Variants in RARB observed in about 807,000 individuals in gnomAD.
RARB encodes the protein retinoic acid receptor beta.
Under a neutral mutation model 51.9 loss-of-function variants are expected in RARB, and 17 were observed. The observed-to-expected ratio is 0.33, with a 90% CI of 0.22 to 0.49. The LOEUF is 0.49. Ranked by LOEUF, RARB falls within the 20% of genes least tolerant of loss-of-function variation. The pLI, the probability that RARB is intolerant of heterozygous loss-of-function variation, is 0.99. For synonymous variants in RARB, 215 were observed against 195.4 expected (o/e 1.10, Z -0.84); for missense variants, 369 against 550.8 (o/e 0.67, Z 3.30).
At chr3:25,452,029 G>A (rs190971999) in intron 1 of RARB, among the ~76,000 whole-genome samples, 115 of 152,124 alleles carry the variant, frequency 7.6e-4, no homozygotes, top group South Asian at 2.5e-3. Context: ...AATTAGCTTC[G>A]TCTACACATG....
intron 3 of RARB, among the ~76,000 whole-genome samples, chr3:25,547,672 T>C (rs1222063364): frequency 6.6e-6 from 1 of 152,144 alleles, no homozygotes; most frequent in East Asian, 1.9e-4. Flanking sequence ...AACCCCCAAG[T>C]TGGCAGTGTC....
intron 3 of RARB, among the ~76,000 whole-genome samples, chr3:25,061,002 C>T (rs1419729549): frequency 3.3e-5 from 5 of 151,860 alleles, no homozygotes; most frequent in Non-Finnish European, 7.4e-5. Context: ...CAAAGACTTA[C>T]ATCATATGGA....
intron 2 of RARB, among the ~76,000 whole-genome samples, chr3:24,967,415 C>A (rs1696299839): frequency 6.6e-6 from 1 of 152,090 alleles, no homozygotes; most frequent in Non-Finnish European, 1.5e-5. Flanking sequence ...TTCTAAGTAG[C>A]CGTTTTGTAA....
chr3:25,569,935 C>G lies in RARB; in HGVS notation c.609+17C>G. Reference sequence around the variant, plus strand: ...TACACCACGGTAAGAGATACTCCTGCCCCAGGCTGCTGGGAGTGTGGAAAC... The same window carrying G: ...TACACCACGGTAAGAGATACTCCTGGCCCAGGCTGCTGGGAGTGTGGAAAC... On this transcript the variant is annotated intron_variant, in intron 4 of 7. Coordinates refer to ENST00000330688, the MANE Select transcript of RARB (RefSeq NM_000965.5). The G allele has an allele frequency of 6.2e-7, 1 of 1,609,996 alleles. No homozygotes were observed. The highest frequency in any genetic ancestry group is 8.5e-7 in the Non-Finnish European group (1 of 1,177,858).
intron 3 of RARB, among the ~76,000 whole-genome samples, chr3:25,545,359 C>T (rs958473812): frequency 2.6e-5 from 4 of 152,174 alleles, no homozygotes. Context: ...CCTTGCCTCT[C>T]AAAGGTGCTC....
At chr3:25,321,468 A>C (rs11129193) in intron 5 of RARB, among the ~76,000 whole-genome samples, 1 of 151,872 alleles carries the variant, frequency 6.6e-6, no homozygotes, top group East Asian at 1.9e-4. Flanking sequence ...CTGTAATCCC[A>C]GCACTTTGGG....
At chr3:25,282,173 A>G (rs1703539857) in intron 5 of RARB, among the ~76,000 whole-genome samples, 1 of 152,148 alleles carries the variant, frequency 6.6e-6, no homozygotes, top group Non-Finnish European at 1.5e-5. Context: ...ATGGCCCTGT[A>G]TTACCCTACT....
chr3:24,998,615 T>G (rs1254370928), intron 2 of RARB, among the ~76,000 whole-genome samples: 2 of 152,292 alleles, frequency 1.3e-5, no homozygotes, highest in East Asian at 3.9e-4. Context: ...CCTAAGGAGT[T>G]ATGTCTAGTT....
chr3:25,037,497 G>T (rs1437696156), intron 2 of RARB, among the ~76,000 whole-genome samples: 1 of 152,086 alleles, frequency 6.6e-6, no homozygotes, highest in Admixed American at 6.5e-5. Context: ...TCCCTACACA[G>T]AAACTAAGTA....
intron 5 of RARB, among the ~76,000 whole-genome samples, chr3:25,334,141 C>G (rs1460002879): frequency 6.6e-6 from 1 of 152,148 alleles, no homozygotes; most frequent in African/African-American, 2.4e-5. Context: ...GGATCTAGAA[C>G]TAGAAATACC....
chr3:25,235,013 G>A (rs1702270321), intron 5 of RARB, among the ~76,000 whole-genome samples: 2 of 152,134 alleles, frequency 1.3e-5, no homozygotes, highest in South Asian at 2.1e-4. Flanking sequence ...GCAACTTCCA[G>A]TTCATAGGGG....
At chr3:25,313,489 G>A (rs1388859181) in intron 5 of RARB, among the ~76,000 whole-genome samples, 1 of 152,138 alleles carries the variant, frequency 6.6e-6, no homozygotes, top group Non-Finnish European at 1.5e-5. Context: ...GAGTATCTCT[G>A]GTTGTGAAAC....
At chr3:25,318,798 C>T (rs958762913) in intron 5 of RARB, among the ~76,000 whole-genome samples, 1 of 152,218 alleles carries the variant, frequency 6.6e-6, no homozygotes. Flanking sequence ...CTGAAACTCT[C>T]TCATGACCTG....
chr3:25,072,818 C>T (rs1698795975), intron 3 of RARB, among the ~76,000 whole-genome samples: 2 of 151,996 alleles, frequency 1.3e-5, no homozygotes, highest in Admixed American at 1.3e-4. Flanking sequence ...ACGCCATTCT[C>T]CTGCCTCAGC....
chr3:24,872,340 C>T (rs564084561), intron 2 of RARB, among the ~76,000 whole-genome samples: 11 of 152,340 alleles, frequency 7.2e-5, no homozygotes, highest in African/African-American at 2.6e-4. Flanking sequence ...ACCTAATCCA[C>T]TTTCCTAATC....
chr3:25,053,233 T>G (rs1356355625), intron 2 of RARB, among the ~76,000 whole-genome samples: 1 of 152,178 alleles, frequency 6.6e-6, no homozygotes, highest in Non-Finnish European at 1.5e-5. Flanking sequence ...GGTAATTAAC[T>G]TTATCCCTTC....
intron 5 of RARB, among the ~76,000 whole-genome samples, chr3:25,221,139 A>C (rs190635386): frequency 1.3e-5 from 2 of 149,552 alleles, no homozygotes; most frequent in Middle Eastern, 3.4e-3. Flanking sequence ...TAATGGAACT[A>C]ATCAAACAAG....
intron 3 of RARB, among the ~76,000 whole-genome samples, chr3:25,525,899 C>T (rs1698625392): frequency 6.6e-6 from 1 of 152,116 alleles, no homozygotes; most frequent in Non-Finnish European, 1.5e-5. Context: ...GTGTTCCAGG[C>T]AGAGAACAGC....
chr3:24,848,149 T>C (rs1291270000), intron 1 of RARB, among the ~76,000 whole-genome samples: 1 of 152,216 alleles, frequency 6.6e-6, no homozygotes, highest in East Asian at 1.9e-4. Context: ...AACCTCTGCC[T>C]CCTGAGCTCA....
Sources: gnomAD v4.1 joint callset for allele counts (sites outside exome capture counted in the v4.1 genomes callset) on GRCh38, gnomAD v4.1.1 for gene constraint, MANE v1.5 for transcripts, NCBI Gene and HGNC (gene_info 2026-07-23, HGNC 2026-07-21) for gene names.